The following TAFA5 variants were observed in gnomAD, a reference collection of about 807,000 sequenced individuals.
TAFA5 encodes the protein TAFA chemokine like family member 5.
Under a neutral mutation model 15.3 loss-of-function variants are expected in TAFA5, and 6 were observed. The observed-to-expected ratio is 0.39, with a 90% confidence interval of 0.21 to 0.77. The LOEUF is 0.77. Among genes scored for constraint, TAFA5 ranks in the 30% least tolerant of loss-of-function variants. The pLI, the probability that TAFA5 is intolerant of heterozygous loss-of-function variation, is 0.41. For missense variants in TAFA5, 161 were observed against 193.1 expected (o/e 0.83, Z 0.98); for synonymous variants, 103 against 80.7 (o/e 1.28, Z -1.48).
chr22:48,581,940 A>G (rs1007205081), intron 1 of TAFA5, among the ~76,000 whole-genome samples: 1 of 152,122 alleles, frequency 6.6e-6, no homozygotes, highest in Admixed American at 6.5e-5. Flanking sequence ...ATCTGAGCAG[A>G]CAGAAAACAT....
intron 3 of TAFA5, among the ~76,000 whole-genome samples, chr22:48,711,679 T>G (rs1929258408): frequency 6.6e-6 from 1 of 152,222 alleles, no homozygotes; most frequent in South Asian, 2.1e-4. Flanking sequence ...ATGATGGCGT[T>G]CTCATAACTT....
chr22:48,704,757 G>T lies in TAFA5; in HGVS notation c.263-2960G>T, dbSNP rs12158242. ...ACGAGGGATGTTCCCATGTCTCCTGGTCTCCTGGCTGTCTCAGCCGGCTCA... is the reference window on the plus strand; with the variant it reads ...ACGAGGGATGTTCCCATGTCTCCTGTTCTCCTGGCTGTCTCAGCCGGCTCA... On this transcript the variant is annotated intron_variant, in intron 2 of 3. Transcript: ENST00000402357. Among the ~76,000 whole-genome samples, 969 of 151,568 alleles carry T rather than the reference G, an allele frequency of 6.4e-3. 9 individuals are homozygous for T. The highest frequency in any genetic ancestry group is 0.021 in the African/African-American group (856 of 41,214).
rs73889169 is a variant in TAFA5, at chr22:48,609,825, C to T, written c.113-36772C>T. ...TGCTCCCGGCTGCTCTCTGGCTGCC[C>T]GTGGCTCAGGCAGCCCTTGGCTTCC... On this transcript the variant is annotated intron_variant, in intron 1 of 3. Coordinates refer to ENST00000402357, the MANE Select transcript of TAFA5 (RefSeq NM_001082967.3). 9.4e-3 allele frequency among the ~76,000 whole-genome samples: 1,430 copies of T among 152,270 alleles called. 19 individuals are homozygous for T. The highest frequency in any genetic ancestry group is 0.033 in the African/African-American group (1,352 of 41,548).
intron 1 of TAFA5, among the ~76,000 whole-genome samples, chr22:48,602,120 G>C (rs1924996697): frequency 6.6e-6 from 1 of 152,210 alleles, no homozygotes; most frequent in African/African-American, 2.4e-5. Context: ...TCCCCAGCCT[G>C]CATCCAGGGC....
At chr22:48,679,205 C>G (rs933880752) in intron 2 of TAFA5, among the ~76,000 whole-genome samples, 6 of 83,230 alleles carry the variant, frequency 7.2e-5, no homozygotes, top group African/African-American at 6.9e-5. Flanking sequence ...ATCCCTCTCC[C>G]GGCTCCCCGT....
At chr22:48,596,315 G>A (rs980031553) in intron 1 of TAFA5, among the ~76,000 whole-genome samples, 1 of 152,126 alleles carries the variant, frequency 6.6e-6, no homozygotes, top group African/African-American at 2.4e-5. Context: ...CGTGTGTCTG[G>A]GTCTGGGTTC....
chr22:48,549,441 G>A (rs1204859082), intron 1 of TAFA5, among the ~76,000 whole-genome samples: 1 of 152,224 alleles, frequency 6.6e-6, no homozygotes, highest in East Asian at 1.9e-4. Context: ...CTGAACTTTG[G>A]TGCAGCAAAT....
rs764267897 is a variant in TAFA5 at position 48,691,472 on chromosome 22, G to A, written c.263-16245G>A. On this transcript the variant is annotated intron_variant, in intron 2 of 3. Transcript: ENST00000402357. ...AGGGTCGCCTTGTGTCGGGCACCAG[G>A]ACCGCAGGTGAGGAGGCAAACTGGG... Among the ~76,000 whole-genome samples, 83 of 152,256 alleles carry A rather than the reference G, an allele frequency of 5.5e-4. 1 individual carries two copies. The highest frequency in any genetic ancestry group is 1.8e-4 in the Non-Finnish European group (12 of 68,046).
intron 2 of TAFA5, among the ~76,000 whole-genome samples, chr22:48,675,828 C>T (rs943033194): frequency 6.6e-6 from 1 of 152,276 alleles, no homozygotes; most frequent in African/African-American, 2.4e-5. Flanking sequence ...TGTACCATTG[C>T]ACACAGGAGT....
chr22:48,553,670 C>T, intron 1 of TAFA5, among the ~76,000 whole-genome samples: 1 of 152,208 alleles, frequency 6.6e-6, no homozygotes, highest in East Asian at 1.9e-4. Flanking sequence ...TCTGAGCATA[C>T]CTCCATGCCT....
At position 48,567,696 on chromosome 22, in the gene TAFA5, C is replaced by A. The variant is rs117108437; in HGVS notation, c.112+77992C>A. Reference sequence around the variant, plus strand: ...ACCAGCTGGTCACATATCCTCCAAGCTCCTCCGGGTGAGCTCGGGAACTAA... The same window carrying A: ...ACCAGCTGGTCACATATCCTCCAAGATCCTCCGGGTGAGCTCGGGAACTAA... On this transcript the variant is annotated intron_variant, in intron 1 of 3. Transcript: ENST00000402357. Among the ~76,000 whole-genome samples the A allele has an allele frequency of 7.8e-3, 1,184 of 152,272 alleles. 7 individuals are homozygous for A. The highest frequency in any genetic ancestry group is 0.013 in the Non-Finnish European group (863 of 68,024).
At chr22:48,638,153 G>A (rs752296964) in intron 1 of TAFA5, among the ~76,000 whole-genome samples, 8 of 152,068 alleles carry the variant, frequency 5.3e-5, no homozygotes, top group Non-Finnish European at 1.0e-4. Flanking sequence ...TGCCAGTCCA[G>A]TTGCTGGCGT....
chr22:48,676,670 C>T (rs1164416999), intron 2 of TAFA5, among the ~76,000 whole-genome samples: 1 of 152,244 alleles, frequency 6.6e-6, no homozygotes, highest in Non-Finnish European at 1.5e-5. Flanking sequence ...TGGAGCCACC[C>T]TCTCCCCAGC....
chr22:48,665,471 G>A lies in TAFA5; in HGVS notation c.262+18725G>A, dbSNP rs182168024. Among the ~76,000 whole-genome samples, 132 of 152,260 alleles carry A rather than the reference G, an allele frequency of 8.7e-4. 1 individual carries two copies. Among genetic ancestry groups the A allele is most frequent in the Non-Finnish European group, 1.5e-3 (104 of 68,028 alleles). ...GGAAACGTCATCTTACCCCAAAGCCGTGAGACGTTCTCTCGCGTTCTTGTC... is the reference window on the plus strand; with the variant it reads ...GGAAACGTCATCTTACCCCAAAGCCATGAGACGTTCTCTCGCGTTCTTGTC... On this transcript the variant is annotated intron_variant, in intron 2 of 3. Transcript: ENST00000402357.
chr22:48,594,595 T>C (rs1283432649), intron 1 of TAFA5, among the ~76,000 whole-genome samples: 1 of 152,114 alleles, frequency 6.6e-6, no homozygotes, highest in Non-Finnish European at 1.5e-5. Flanking sequence ...CCCCATAGGC[T>C]CATGCTCCCG....
chr22:48,512,344 C>T (rs1485841944), intron 1 of TAFA5, among the ~76,000 whole-genome samples: 4 of 152,180 alleles, frequency 2.6e-5, no homozygotes, highest in South Asian at 2.1e-4. Context: ...CAGTGGCTCA[C>T]GCCTGTAATC....
chr22:48,602,134 T>C (rs933825158), intron 1 of TAFA5, among the ~76,000 whole-genome samples: 2 of 152,192 alleles, frequency 1.3e-5, no homozygotes, highest in East Asian at 3.9e-4. Context: ...CCAGGGCACA[T>C]GCCCTCCCTC....
At position 48,568,847 on chromosome 22, in the gene TAFA5, G is replaced by A. The variant is rs367773120; in HGVS notation, c.113-77750G>A. Among the ~76,000 whole-genome samples the A allele has an allele frequency of 3.3e-5, 5 of 152,194 alleles. No homozygotes were observed. In the East Asian group the frequency reaches 9.6e-4, roughly 29 times the overall value. On this transcript the variant is annotated intron_variant, in intron 1 of 3. Coordinates refer to ENST00000402357, the MANE Select transcript of TAFA5 (RefSeq NM_001082967.3). ...GCCCTTCTCTAGATCTCCTTCCACT[G>A]TCCAGCAGTGCTGAGCACAGCCTCT...
chr22:48,645,955 C>A (rs937159456), intron 1 of TAFA5, among the ~76,000 whole-genome samples: 1 of 150,252 alleles, frequency 6.7e-6, no homozygotes, highest in Non-Finnish European at 1.5e-5. Flanking sequence ...CGTACATGCA[C>A]ATATGTGTGT....
Sources: allele counts gnomAD v4.1 joint callset (sites outside exome capture counted in the v4.1 genomes callset), GRCh38; gene constraint gnomAD v4.1.1; transcripts MANE v1.5; gene names NCBI Gene and HGNC (gene_info 2026-07-23, HGNC 2026-07-21).